Variants in VPS13B observed in about 807,000 individuals in gnomAD.
VPS13B encodes the protein intermembrane lipid transfer protein VPS13B.
A neutral mutation model predicts 426.4 loss-of-function variants in VPS13B; 285 were observed. That is an observed-to-expected ratio of 0.67 (90% CI 0.61 to 0.74). The LOEUF (loss-of-function observed/expected upper bound fraction) is 0.74, where lower values mean the gene tolerates loss of function less well. VPS13B is among the 30% of genes least tolerant of loss of function. VPS13B has a pLI of 0.00. For synonymous variants in VPS13B, 1,676 were observed against 1,676.4 expected (o/e 1.00, Z 0.01); for missense variants, 4,537 against 4,782.6 (o/e 0.95, Z 1.51).
At chr8:99,809,730 T>C (rs573288498) in intron 44 of VPS13B, among the ~76,000 whole-genome samples, 200 bp downstream of exon 44, 14 of 152,360 alleles carry the variant, frequency 9.2e-5, no homozygotes, top group African/African-American at 3.1e-4. Context: ...CCACTTCTTT[T>C]ACAAGAGCTG....
At chr8:99,186,865 A>G (rs1468843038) in intron 16 of VPS13B, among the ~76,000 whole-genome samples, 4 of 152,274 alleles carry the variant, frequency 2.6e-5, no homozygotes, top group Middle Eastern at 3.4e-3. Context: ...ACAATATATT[A>G]ATCTTTCTGA....
At chr8:99,628,283 C>T (rs1009005688) in intron 33 of VPS13B, among the ~76,000 whole-genome samples, 1 of 152,182 alleles carries the variant, frequency 6.6e-6, no homozygotes, top group African/African-American at 2.4e-5. Context: ...AATAGAGACA[C>T]CTGGTTCCAG....
At chr8:99,498,753 G>C (rs10504990) in intron 25 of VPS13B, among the ~76,000 whole-genome samples, 9,926 of 152,082 alleles carry the variant, frequency 0.065, 449 homozygotes, top group African/African-American at 0.13. Flanking sequence ...CTGAGTCATG[G>C]TAAAGTGGGA....
intron 36 of VPS13B, among the ~76,000 whole-genome samples, chr8:99,702,322 CTTT>C (rs1295791664): frequency 6.6e-6 from 1 of 152,042 alleles, no homozygotes; most frequent in Non-Finnish European, 1.5e-5. Flanking sequence ...TTAACTGTGT[CTTT>C]GATTTTACAG....
intron 40 of VPS13B, among the ~76,000 whole-genome samples, chr8:99,773,383 A>G (rs919875509): frequency 2.6e-5 from 4 of 152,168 alleles, no homozygotes; most frequent in South Asian, 2.1e-4. Flanking sequence ...CTTTATTACC[A>G]TAAAGGGATC....
chr8:99,168,829 C>T (rs777104342), intron 15 of VPS13B, among the ~76,000 whole-genome samples: 5 of 151,832 alleles, frequency 3.3e-5, no homozygotes, highest in Non-Finnish European at 7.4e-5. Flanking sequence ...ATAGTAATTA[C>T]ATAAGTAGGT....
chr8:99,151,990 T>C (rs948980757), intron 14 of VPS13B, among the ~76,000 whole-genome samples: 1 of 152,206 alleles, frequency 6.6e-6, no homozygotes, highest in African/African-American at 2.4e-5. Flanking sequence ...GCTTTTGGTT[T>C]TGTTTATTTT....
At chr8:99,250,477 AT>A (rs1333839478) in intron 17 of VPS13B, among the ~76,000 whole-genome samples, 1 of 151,946 alleles carries the variant, frequency 6.6e-6, no homozygotes, top group Admixed American at 6.6e-5. Flanking sequence ...TTCTGACTTA[AT>A]TTTTTTAAGG....
intron 33 of VPS13B, among the ~76,000 whole-genome samples, chr8:99,589,339 A>C (rs1826479303): frequency 6.6e-6 from 1 of 151,536 alleles, no homozygotes; most frequent in Non-Finnish European, 1.5e-5. Context: ...ATATCTCCTA[A>C]TGCTATCCCT....
At chr8:99,463,973 G>A (rs1313348130) in intron 23 of VPS13B, among the ~76,000 whole-genome samples, 3 of 152,130 alleles carry the variant, frequency 2.0e-5, no homozygotes, top group Admixed American at 1.3e-4. Context: ...GGTATTACAA[G>A]CATGAGCCAC....
intron 19 of VPS13B, among the ~76,000 whole-genome samples, chr8:99,344,074 G>C (rs926149116): frequency 1.1e-4 from 16 of 152,134 alleles, no homozygotes; most frequent in Non-Finnish European, 1.0e-4. Flanking sequence ...TAAAGCTATT[G>C]TTATCAAAAC....
At chr8:99,233,695 G>A (rs1051444527) in intron 17 of VPS13B, 6 of 793,090 alleles carry the variant, frequency 7.6e-6, no homozygotes, top group Middle Eastern at 3.5e-4. Context: ...GGTTGCATAT[G>A]CTCAAATCCT....
In VPS13B at chr8:99,103,211, G is replaced by T. The variant is rs551239157; in HGVS notation, c.580+91G>T. ...CTTCTTTGGGCCAACTGAGTTGCTG[G>T]TAAATGTTATCAAATCTTCATGCCT... On this transcript the variant is annotated intron_variant, in intron 5 of 61. Coordinates refer to ENST00000357162, the MANE Select transcript of VPS13B (RefSeq NM_152564.5). The T allele has an allele frequency of 4.7e-5, 68 of 1,448,788 alleles. 1 individual carries two copies. The South Asian group carries it at 6.8e-4, about 14-fold the overall frequency. 89.7% of individuals were successfully genotyped at this position (1,448,788 alleles called of 1,614,324 possible).
intron 61 of VPS13B, among the ~76,000 whole-genome samples, chr8:99,874,122 C>A (rs1015583549): frequency 2.0e-5 from 3 of 152,124 alleles, no homozygotes; most frequent in Non-Finnish European, 4.4e-5. Flanking sequence ...TTATTGAAAT[C>A]CCTTATGAGT....
intron 2 of VPS13B, among the ~76,000 whole-genome samples, chr8:99,027,047 T>C (rs1842176711): frequency 1.3e-5 from 2 of 152,018 alleles, no homozygotes; most frequent in Admixed American, 1.3e-4. Context: ...CAGCTAATTT[T>C]TGTATTTTTA....
Position 99,442,635 on chromosome 8 carries a change from G to A in VPS13B, c.3445G>A (p.Gly1149Ser). ...FVIPRPILEEGDAFPWTISLH... is the reference protein window; with the variant it reads ...FVIPRPILEESDAFPWTISLH... ...TATCCCACGACCCATCCTTGAAGAA[G>A]GTATATGTTAACATTTTTTTCCTAT... Residue 1149 changes from glycine (G) to serine (S), a missense_variant and splice_region_variant, in exon 23 of 62, where the codon GGT (glycine) becomes AGT (serine). Around this residue, in one of 2 missense-constraint regions of VPS13B, gnomAD observed 4,311 missense variants for 4,474.3 expected, o/e 0.96. Coordinates refer to ENST00000357162, the MANE Select transcript of VPS13B (RefSeq NM_152564.5). 1 of 1,613,180 alleles carries A rather than the reference G, an allele frequency of 6.2e-7. No homozygotes were observed.
rs915808094 is a variant in VPS13B, at chr8:99,742,953, A to G, written c.7050+21906A>G. Among the ~76,000 whole-genome samples, 15 of 152,170 alleles carry G rather than the reference A, an allele frequency of 9.9e-5. 1 individual carries two copies. The highest frequency in any genetic ancestry group is 9.2e-4 in the Admixed American group (14 of 15,272). On this transcript the variant is annotated intron_variant, in intron 39 of 61. Coordinates refer to ENST00000357162, the MANE Select transcript of VPS13B (RefSeq NM_152564.5). ...CCCTCTCTCACCACTCCTATTCAAC[A>G]TAATGTTGGAAGTTCTGGCCAGGGC...
chr8:99,643,579 G>C (rs549902712), intron 34 of VPS13B, among the ~76,000 whole-genome samples: 1 of 152,198 alleles, frequency 6.6e-6, no homozygotes, highest in East Asian at 1.9e-4. Flanking sequence ...GAGTAACCTA[G>C]GGTTACCCCC....
At chr8:99,267,240 G>A (rs1818354571) in intron 17 of VPS13B, among the ~76,000 whole-genome samples, 1 of 152,130 alleles carries the variant, frequency 6.6e-6, no homozygotes, top group Admixed American at 6.5e-5. Context: ...GTTGGGAACT[G>A]GAGAAAAGTT....
Sources: allele counts gnomAD v4.1 joint callset (sites outside exome capture counted in the v4.1 genomes callset), GRCh38; gene constraint gnomAD v4.1.1; regional missense constraint gnomAD v4.1.1; transcripts MANE v1.5; gene names NCBI Gene and HGNC (gene_info 2026-07-23, HGNC 2026-07-21).